Variants in CNTNAP2 observed in about 807,000 individuals in gnomAD.
The protein encoded by CNTNAP2 is contactin associated protein 2.
Under a neutral mutation model 155.2 loss-of-function variants are expected in CNTNAP2, and 98 were observed. The observed-to-expected ratio is 0.63, with a 90% CI of 0.54 to 0.75. The LOEUF is 0.75. CNTNAP2 is among the 30% of genes least tolerant of loss of function. The probability of loss-of-function intolerance (pLI) is 0.00; values close to 1 mark genes in which losing one functional copy is unlikely to be tolerated. For synonymous variants in CNTNAP2, 651 were observed against 631.2 expected (o/e 1.03, Z -0.47); for missense variants, 1,727 against 1,688.1 (o/e 1.02, Z -0.40).
At chr7:146,301,901 T>G (rs1482434428) in intron 1 of CNTNAP2, among the ~76,000 whole-genome samples, 1 of 152,100 alleles carries the variant, frequency 6.6e-6, no homozygotes, top group Non-Finnish European at 1.5e-5. Context: ...GAGGAATGAT[T>G]ATGGCTAAGT....
At chr7:146,516,713 G>T (rs552145662) in intron 1 of CNTNAP2, among the ~76,000 whole-genome samples, 28 of 151,712 alleles carry the variant, frequency 1.8e-4, no homozygotes, top group Non-Finnish European at 4.0e-4. Flanking sequence ...AATGCATTAG[G>T]GTAGATTATG....
rs149734624 is a variant in CNTNAP2 at position 147,129,922 on chromosome 7, T to C, written c.1083+1086T>C. On this transcript the variant is annotated intron_variant, in intron 7 of 23. Transcript: ENST00000361727. Reference sequence around the variant, plus strand: ...ATTTTCTCATAAAGTATATTGACTATGGAAAAATAATAATAGCTCCATTTA... The same window carrying C: ...ATTTTCTCATAAAGTATATTGACTACGGAAAAATAATAATAGCTCCATTTA... Among the ~76,000 whole-genome samples, 90 of 152,292 alleles carry C rather than the reference T, an allele frequency of 5.9e-4. No homozygotes were observed. In the East Asian group the frequency reaches 0.015, roughly 26 times the overall value.
intron 21 of CNTNAP2, among the ~76,000 whole-genome samples, chr7:148,283,125 G>A (rs1328084324): frequency 2.8e-5 from 4 of 145,198 alleles, no homozygotes; most frequent in Non-Finnish European, 4.5e-5. Flanking sequence ...TGTAAGCTCA[G>A]CTACTTGGGA....
intron 13 of CNTNAP2, among the ~76,000 whole-genome samples, chr7:147,742,752 T>G (rs1796975301): frequency 6.6e-6 from 1 of 152,210 alleles, no homozygotes; most frequent in African/African-American, 2.4e-5. Context: ...TGGCTATGAC[T>G]TTGCCCCTTC....
chr7:148,247,650 TA>T (rs1386960518), intron 20 of CNTNAP2, among the ~76,000 whole-genome samples: 2,285 of 144,606 alleles, frequency 0.016, 166 homozygotes, highest in African/African-American at 0.055. Flanking sequence ...TTTATTTATT[TA>T]TTTATTTATT....
intron 1 of CNTNAP2, among the ~76,000 whole-genome samples, chr7:146,513,852 A>T (rs763987639): frequency 1.3e-5 from 2 of 151,636 alleles, no homozygotes; most frequent in Non-Finnish European, 2.9e-5. Flanking sequence ...TCATTTTATT[A>T]TTTCTTTTAA....
chr7:147,636,479 G>A lies in CNTNAP2; in HGVS notation c.1898-2627G>A, dbSNP rs182116173. Among the ~76,000 whole-genome samples, 48 of 152,210 alleles carry A rather than the reference G, an allele frequency of 3.2e-4. No individual in the cohort carries two copies. The South Asian group carries it at 8.5e-3, about 27-fold the overall frequency. On this transcript the variant is annotated intron_variant, in intron 12 of 23. Transcript: ENST00000361727. ...CTTGGATACATGTGCAGAACGTGCA[G>A]GTTTGTTACATAGATATACATGTGC... is the stretch of plus-strand genomic sequence containing the variant.
chr7:147,624,560 A>C (rs1454798270), intron 12 of CNTNAP2, among the ~76,000 whole-genome samples: 1 of 152,228 alleles, frequency 6.6e-6, no homozygotes, highest in Non-Finnish European at 1.5e-5. Context: ...ACAATGAAAT[A>C]TCATCTCACC....
intron 11 of CNTNAP2, among the ~76,000 whole-genome samples, chr7:147,534,678 C>T (rs929759477): frequency 1.3e-5 from 2 of 152,068 alleles, no homozygotes; most frequent in South Asian, 2.1e-4. Flanking sequence ...AAGTGGCCTT[C>T]GGGTGGAGAA....
At chr7:148,195,636 T>C (rs1795264495) in intron 18 of CNTNAP2, among the ~76,000 whole-genome samples, 2 of 152,356 alleles carry the variant, frequency 1.3e-5, no homozygotes, top group East Asian at 3.9e-4. Context: ...TTTGATGCTT[T>C]TTAAAAAGTA....
rs1298847653 is a variant in CNTNAP2 at position 147,352,362 on chromosome 7, A to G, written c.1499-43247A>G. Among the ~76,000 whole-genome samples, 3 of 151,984 alleles carry G rather than the reference A, an allele frequency of 2.0e-5. No homozygotes were observed. In the East Asian group the frequency reaches 5.8e-4, roughly 29 times the overall value. On this transcript the variant is annotated intron_variant, in intron 9 of 23. Transcript: ENST00000361727. ...TTGCTTCCCTCAGGACTAATAATGT[A>G]CACTTCATCTAAGTCCAAATTTTAA... is the stretch of plus-strand genomic sequence containing the variant.
At chr7:147,364,625 G>A (rs535926849) in intron 9 of CNTNAP2, among the ~76,000 whole-genome samples, 16 of 152,206 alleles carry the variant, frequency 1.1e-4, no homozygotes, top group Non-Finnish European at 1.5e-4. Context: ...CCTAACCAGC[G>A]GATCACAAGG....
At chr7:147,749,137 T>C (rs1397252286) in intron 13 of CNTNAP2, among the ~76,000 whole-genome samples, 2 of 152,204 alleles carry the variant, frequency 1.3e-5, no homozygotes, top group South Asian at 4.1e-4. Context: ...AAAATAAAAA[T>C]ATGTAATCTA....
intron 8 of CNTNAP2, among the ~76,000 whole-genome samples, chr7:147,184,792 C>T (rs1258119378): frequency 6.6e-6 from 1 of 151,998 alleles, no homozygotes; most frequent in African/African-American, 2.4e-5. Context: ...ATGTCCAAAA[C>T]GAACCAAAAA....
At chr7:146,941,481 G>A (rs2129225694) in intron 3 of CNTNAP2, among the ~76,000 whole-genome samples, 1 of 152,100 alleles carries the variant, frequency 6.6e-6, no homozygotes, top group African/African-American at 2.4e-5. Context: ...TAATTTAATA[G>A]TTTTGTCTTT....
At chr7:146,529,522 C>T (rs1479241919) in intron 1 of CNTNAP2, among the ~76,000 whole-genome samples, 1 of 152,000 alleles carries the variant, frequency 6.6e-6, no homozygotes, top group African/African-American at 2.4e-5. Context: ...CAGAAACAAG[C>T]GATCGGGAGA....
intron 8 of CNTNAP2, among the ~76,000 whole-genome samples, chr7:147,150,686 T>A (rs1330700978): frequency 1.3e-5 from 2 of 152,214 alleles, no homozygotes; most frequent in South Asian, 2.1e-4. Flanking sequence ...GTATGAATTA[T>A]GAATGTTGAT....
chr7:147,978,326 C>T (rs892469105), intron 15 of CNTNAP2: 1 of 347,086 alleles, frequency 2.9e-6, no homozygotes, highest in Middle Eastern at 9.7e-4. Context: ...CTGTTAATGC[C>T]ATTAGGATGA....
At chr7:146,175,445 G>T (rs563725383) in intron 1 of CNTNAP2, among the ~76,000 whole-genome samples, 2 of 152,132 alleles carry the variant, frequency 1.3e-5, no homozygotes, top group African/African-American at 4.8e-5. Flanking sequence ...AATGGTTAAG[G>T]TGGGGCTGTT....
Sources: gnomAD v4.1 joint callset for allele counts (sites outside exome capture counted in the v4.1 genomes callset) on GRCh38, gnomAD v4.1.1 for gene constraint, MANE v1.5 for transcripts, NCBI Gene and HGNC (gene_info 2026-07-23, HGNC 2026-07-21) for gene names.